UBE2E2: variants seen among roughly 807,000 people sequenced by gnomAD.
The protein encoded by UBE2E2 is ubiquitin conjugating enzyme E2 E2, also known as ubiquitin-conjugating enzyme E2 E2.
A neutral mutation model predicts 24.7 loss-of-function variants in UBE2E2; 6 were observed. The observed-to-expected ratio is 0.24, with a 90% confidence interval of 0.13 to 0.48. The LOEUF (loss-of-function observed/expected upper bound fraction) is 0.48. UBE2E2 is among the 20% of genes least tolerant of loss of function. The probability of loss-of-function intolerance (pLI) is 0.99; values close to 1 mark genes in which losing one functional copy is unlikely to be tolerated. For synonymous variants in UBE2E2, 104 were observed against 83.6 expected, an observed-to-expected ratio of 1.24 and a Z score of -1.33; for missense variants, 169 against 245.0, an observed-to-expected ratio of 0.69 and a Z score of 2.07.
At chr3:23,224,221 T>A (rs1249852671) in intron 3 of UBE2E2, among the ~76,000 whole-genome samples, 1 of 149,296 alleles carries the variant, frequency 6.7e-6, no homozygotes, top group Non-Finnish European at 1.5e-5. Context: ...TTGATAAGGA[T>A]TGTATTGAAT....
chr3:23,455,961 G>C (rs995135512), intron 3 of UBE2E2, among the ~76,000 whole-genome samples: 1 of 152,196 alleles, frequency 6.6e-6, no homozygotes, highest in African/African-American at 2.4e-5. Flanking sequence ...TACCCACAAT[G>C]TAACTTCTTT....
chr3:23,461,193 C>G (rs1167448840), intron 3 of UBE2E2, among the ~76,000 whole-genome samples: 1 of 152,086 alleles, frequency 6.6e-6, no homozygotes, highest in Non-Finnish European at 1.5e-5. Context: ...TGGAGAAAGT[C>G]TCGGTGACCT....
At chr3:23,375,940 G>A (rs2125345046) in intron 3 of UBE2E2, among the ~76,000 whole-genome samples, 1 of 152,164 alleles carries the variant, frequency 6.6e-6, no homozygotes, top group African/African-American at 2.4e-5. Context: ...TTTCATAAAT[G>A]GCTTATAGAA....
chr3:23,587,134 C>T (rs990416387), intron 5 of UBE2E2, among the ~76,000 whole-genome samples: 3 of 151,996 alleles, frequency 2.0e-5, no homozygotes, highest in Non-Finnish European at 4.4e-5. Flanking sequence ...AATTTGAAAA[C>T]GTAAAAGAAC....
chr3:23,266,562 G>T (rs1698055489), intron 3 of UBE2E2, among the ~76,000 whole-genome samples: 1 of 151,980 alleles, frequency 6.6e-6, no homozygotes, highest in African/African-American at 2.4e-5. Flanking sequence ...TTTCTCTCTG[G>T]CTGCCCTTAA....
chr3:23,303,867 C>G (rs935854896), intron 3 of UBE2E2, among the ~76,000 whole-genome samples: 1 of 152,168 alleles, frequency 6.6e-6, no homozygotes, highest in Admixed American at 6.6e-5. Flanking sequence ...GGGCTCTCCT[C>G]ATAGGAATTA....
chr3:23,351,452 G>C (rs1695745354), intron 3 of UBE2E2, among the ~76,000 whole-genome samples: 1 of 152,192 alleles, frequency 6.6e-6, no homozygotes, highest in Admixed American at 6.5e-5. Context: ...ATTGGATAAA[G>C]AGTCAAGACC....
chr3:23,442,919 T>C, intron 3 of UBE2E2, among the ~76,000 whole-genome samples: 2 of 152,340 alleles, frequency 1.3e-5, no homozygotes, highest in South Asian at 4.1e-4. Context: ...TGATAATATA[T>C]CAAATATCTA....
intron 3 of UBE2E2, among the ~76,000 whole-genome samples, chr3:23,476,290 A>G (rs982475502): frequency 1.3e-5 from 2 of 152,144 alleles, no homozygotes; most frequent in African/African-American, 4.8e-5. Context: ...TTGTCGTAAC[A>G]CTGATAGTGA....
chr3:23,208,867 T>C lies in UBE2E2; in HGVS notation c.168T>C (p.Ser56=), dbSNP rs755731350. ...SSKTAAKLST[S]AKRIQKELAE... ...AAACCGCTGCTAAATTGTCAACTAG[T>C]GCTAAAAGGTACTTCAGTTATTATA... The change falls in exon 2 of 6, where the codon AGT becomes AGC. Residue 56 remains serine (S), a synonymous_variant. Coordinates refer to ENST00000396703, the MANE Select transcript of UBE2E2 (RefSeq NM_152653.4). The C allele has an allele frequency of 6.2e-7, 1 of 1,610,924 alleles. No homozygotes were observed. The highest frequency in any genetic ancestry group is 8.5e-7 in the Non-Finnish European group (1 of 1,178,646).
At chr3:23,330,972 A>G (rs1237086645) in intron 3 of UBE2E2, among the ~76,000 whole-genome samples, 1 of 152,198 alleles carries the variant, frequency 6.6e-6, no homozygotes, top group Admixed American at 6.5e-5. Flanking sequence ...TAATTAATAT[A>G]TTAGTTGACT....
intron 3 of UBE2E2, among the ~76,000 whole-genome samples, chr3:23,490,590 A>T (rs1209391652): frequency 6.6e-6 from 1 of 152,190 alleles, no homozygotes; most frequent in Non-Finnish European, 1.5e-5. Context: ...CACGCACGTA[A>T]CACAAAAAGA....
intron 3 of UBE2E2, among the ~76,000 whole-genome samples, chr3:23,283,999 T>G (rs545480151): frequency 1.3e-5 from 2 of 152,226 alleles, no homozygotes; most frequent in Non-Finnish European, 2.9e-5. Flanking sequence ...ACAATGTAGT[T>G]GTTTTCCTAC....
intron 3 of UBE2E2, among the ~76,000 whole-genome samples, chr3:23,319,423 A>G (rs548162356): frequency 3.3e-5 from 5 of 152,250 alleles, no homozygotes; most frequent in Admixed American, 2.0e-4. Context: ...GTAATACGCT[A>G]TGTTTTGTTT....
chr3:23,254,259 C>T (rs1247312332), intron 3 of UBE2E2, among the ~76,000 whole-genome samples: 1 of 152,206 alleles, frequency 6.6e-6, no homozygotes, highest in East Asian at 1.9e-4. Flanking sequence ...TGATACCAAT[C>T]ACACTTTATT....
chr3:23,551,281 G>A (rs1695636219), intron 5 of UBE2E2, among the ~76,000 whole-genome samples: 1 of 152,034 alleles, frequency 6.6e-6, no homozygotes, highest in Non-Finnish European at 1.5e-5. Context: ...TTATAAAAGG[G>A]CAACCTTTTA....
rs78380775 is a variant in UBE2E2, at chr3:23,242,618, A to G, written c.227+25306A>G. On this transcript the variant is annotated intron_variant, in intron 3 of 5. Coordinates refer to ENST00000396703, the MANE Select transcript of UBE2E2 (RefSeq NM_152653.4). ...GTTGACAGTATGGAGCACTTTGCAG[A>G]TGGATATCAGGTTAATTGTTATATT... Among the ~76,000 whole-genome samples, 1,341 of 152,188 alleles carry G rather than the reference A, an allele frequency of 8.8e-3. 17 individuals are homozygous for G. Among genetic ancestry groups the G allele is most frequent in the African/African-American group, 0.031 (1,278 of 41,506 alleles).
chr3:23,466,954 T>A (rs1698932509), intron 3 of UBE2E2, among the ~76,000 whole-genome samples: 1 of 152,206 alleles, frequency 6.6e-6, no homozygotes, highest in African/African-American at 2.4e-5. Context: ...TCTGCAGAAT[T>A]TACTGTGATG....
At chr3:23,540,509 A>G (rs1413876243) in intron 5 of UBE2E2, among the ~76,000 whole-genome samples, 1 of 152,042 alleles carries the variant, frequency 6.6e-6, no homozygotes, top group African/African-American at 2.4e-5. Flanking sequence ...GGTTCAAGCA[A>G]TTCTCCTGCC....
Sources: gnomAD v4.1 joint callset for allele counts (sites outside exome capture counted in the v4.1 genomes callset) on GRCh38, gnomAD v4.1.1 for gene constraint, MANE v1.5 for transcripts, NCBI Gene and HGNC (gene_info 2026-07-23, HGNC 2026-07-21) for gene names.